The following OPCML variants were observed in gnomAD, a reference collection of about 807,000 sequenced individuals.
OPCML encodes opioid binding protein/cell adhesion molecule like.
A neutral mutation model predicts 37.8 loss-of-function variants in OPCML; 13 were observed. The ratio of observed to expected loss-of-function variants is 0.34; its 90% CI spans 0.22 to 0.55. The LOEUF is 0.55. Among genes scored for constraint, OPCML ranks in the 20% least tolerant of loss-of-function variants. The pLI is 0.91. For missense variants in OPCML, 341 were observed against 435.6 expected, an observed-to-expected ratio of 0.78 and a Z score of 1.93; for synonymous variants, 176 against 168.8, an observed-to-expected ratio of 1.04 and a Z score of -0.33.
intron 2 of OPCML, among the ~76,000 whole-genome samples, chr11:132,864,164 C>T (rs904013389): frequency 1.3e-5 from 2 of 152,132 alleles, no homozygotes; most frequent in East Asian, 3.9e-4. Context: ...TCTTGAACTC[C>T]TGACCTCGGG....
At position 133,090,787 on chromosome 11, in the gene OPCML, T is replaced by C. The variant is rs114814125; in HGVS notation, c.62-147777A>G. ...TTAAAGAGAAAGCAGAACTTAAAGA[T>C]TGGGAAAATTTTCAGCCTGGCTAGA... On this transcript the variant is annotated intron_variant, in intron 1 of 7. Transcript: ENST00000524381. Among the ~76,000 whole-genome samples the C allele has an allele frequency of 8.4e-3, 1,271 of 152,212 alleles. 16 individuals carry two copies. The highest frequency in any genetic ancestry group is 0.028 in the African/African-American group (1,175 of 41,546).
intron 1 of OPCML, chr11:133,418,087 A>G (rs1245272891): frequency 2.0e-6 from 2 of 985,318 alleles, no homozygotes; most frequent in Non-Finnish European, 2.4e-6. Flanking sequence ...AAAGTATGCC[A>G]TCTGTGGTTC....
intron 2 of OPCML, among the ~76,000 whole-genome samples, chr11:132,707,982 A>G (rs1011233191): frequency 1.3e-5 from 2 of 152,200 alleles, no homozygotes; most frequent in African/African-American, 4.8e-5. Context: ...TACTTAGAGG[A>G]AATGAGTAAA....
intron 1 of OPCML, among the ~76,000 whole-genome samples, chr11:133,337,788 CT>C (rs1232045609): frequency 6.6e-6 from 1 of 152,082 alleles, no homozygotes; most frequent in Non-Finnish European, 1.5e-5. Context: ...CTTAAAATTG[CT>C]ATAGAATTTT....
At chr11:133,056,653 A>G (rs944898928) in intron 1 of OPCML, among the ~76,000 whole-genome samples, 1 of 152,218 alleles carries the variant, frequency 6.6e-6, no homozygotes, top group African/African-American at 2.4e-5. Flanking sequence ...TGATTAATTC[A>G]GCCTGATTCT....
At chr11:132,691,462 C>T (rs1474830626) in intron 2 of OPCML, among the ~76,000 whole-genome samples, 3 of 152,158 alleles carry the variant, frequency 2.0e-5, no homozygotes, top group African/African-American at 7.2e-5. Flanking sequence ...TTTCTCCTAC[C>T]AACTAACTCC....
chr11:133,377,910 A>G (rs78880259), intron 1 of OPCML, among the ~76,000 whole-genome samples: 3,835 of 152,310 alleles, frequency 0.025, 92 homozygotes, highest in African/African-American at 0.069. Context: ...ACATTACTTC[A>G]TTGGAATGAC....
At chr11:133,272,609 G>A (rs560934187) in intron 1 of OPCML, among the ~76,000 whole-genome samples, 5 of 152,326 alleles carry the variant, frequency 3.3e-5, no homozygotes, top group African/African-American at 1.2e-4. Flanking sequence ...GGCAGGGTAT[G>A]AGGCAAGAGA....
intron 1 of OPCML, among the ~76,000 whole-genome samples, chr11:133,064,167 G>T (rs915884693): frequency 6.6e-6 from 1 of 152,172 alleles, no homozygotes; most frequent in Non-Finnish European, 1.5e-5. Context: ...GGGTGGAGCG[G>T]AGCCCAGCCG....
At chr11:132,944,891 A>T (rs1945711983) in intron 1 of OPCML, among the ~76,000 whole-genome samples, 1 of 152,246 alleles carries the variant, frequency 6.6e-6, no homozygotes, top group South Asian at 2.1e-4. Flanking sequence ...CTTTTGTTAA[A>T]TTAGACTGGG....
chr11:132,742,943 C>T (rs1255232294), intron 2 of OPCML, among the ~76,000 whole-genome samples: 2 of 151,960 alleles, frequency 1.3e-5, no homozygotes, highest in African/African-American at 4.8e-5. Context: ...AGTCGGAATT[C>T]CAGGTAAATT....
intron 1 of OPCML, chr11:133,006,681 CTG>C: frequency 1.0e-6 from 1 of 985,442 alleles, no homozygotes; most frequent in Non-Finnish European, 1.2e-6. Context: ...TCCCACATGT[CTG>C]CCACTTCCAC....
At chr11:133,237,275 TG>T (rs1161413637) in intron 1 of OPCML, among the ~76,000 whole-genome samples, 2 of 152,170 alleles carry the variant, frequency 1.3e-5, no homozygotes, top group African/African-American at 2.4e-5. Context: ...CACCCTGGGG[TG>T]GGGGGTGGAG....
At chr11:133,399,866 T>A (rs1043768900) in intron 1 of OPCML, among the ~76,000 whole-genome samples, 8 of 147,478 alleles carry the variant, frequency 5.4e-5, no homozygotes, top group Non-Finnish European at 9.0e-5. Context: ...ATATATATAT[T>A]ATATATATAT....
intron 1 of OPCML, among the ~76,000 whole-genome samples, chr11:133,204,045 C>G (rs575720295): frequency 6.0e-5 from 6 of 99,842 alleles, no homozygotes; most frequent in African/African-American, 2.5e-4. Context: ...GGGGACAGAG[C>G]GAGACTCTGT....
chr11:132,824,296 CT>C (rs945938471), intron 2 of OPCML, among the ~76,000 whole-genome samples: 2 of 152,102 alleles, frequency 1.3e-5, no homozygotes, highest in African/African-American at 4.8e-5. Context: ...TGATATTTCG[CT>C]CTTTCCTTTT....
At chr11:133,479,090 T>C (rs1947315924) in intron 1 of OPCML, among the ~76,000 whole-genome samples, 1 of 152,226 alleles carries the variant, frequency 6.6e-6, no homozygotes, top group African/African-American at 2.4e-5. Context: ...TATGTAGCGT[T>C]TAGCACAATT....
chr11:133,339,530 C>T (rs935101814), intron 1 of OPCML, among the ~76,000 whole-genome samples: 3 of 152,168 alleles, frequency 2.0e-5, no homozygotes, highest in Admixed American at 2.0e-4. Context: ...CCAGGCCAGC[C>T]TCATCATGGT....
At chr11:133,469,294 G>A (rs1231145969) in intron 1 of OPCML, among the ~76,000 whole-genome samples, 1 of 152,168 alleles carries the variant, frequency 6.6e-6, no homozygotes, top group Non-Finnish European at 1.5e-5. Context: ...TTCTATGTGT[G>A]GAGACACAAA....
Sources: allele counts gnomAD v4.1 joint callset (sites outside exome capture counted in the v4.1 genomes callset), GRCh38; gene constraint gnomAD v4.1.1; transcripts MANE v1.5; gene names NCBI Gene and HGNC (gene_info 2026-07-23, HGNC 2026-07-21).